HP: variants seen among roughly 807,000 people sequenced by gnomAD.
HP encodes haptoglobin alpha(1S)-beta.
In HP, 9 loss-of-function variants were observed where a neutral mutation model predicts 23.2. The observed-to-expected ratio is 0.39, with a 90% CI of 0.23 to 0.68. HP has a LOEUF of 0.68. Among genes scored for constraint, HP ranks in the 30% least tolerant of loss-of-function variants. The pLI is 0.47. For synonymous variants in HP, 155 were observed against 183.3 expected (o/e 0.85, Z 1.25); for missense variants, 433 against 483.6 (o/e 0.90, Z 0.98).
intron 4 of HP, chr16:72,057,842 C>A (rs1396023487): frequency 5.8e-6 from 2 of 343,386 alleles, no homozygotes; most frequent in Non-Finnish European, 1.1e-5. Flanking sequence ...GGAGGCTGGA[C>A]ATGGGCTGGA....
chr16:72,054,508 G>A lies in HP; in HGVS notation c.-145G>A. On this transcript the variant is annotated 5_prime_UTR_variant, in exon 1 of 7. Transcript: ENST00000355906. ...GGGTATTGTTTGTGGTTTTGTTACT[G>A]GAAAAGATAGTGACCTTACCAGGGC... 2 of 1,532,510 alleles carry A rather than the reference G, an allele frequency of 1.3e-6. No homozygotes were observed. The highest frequency in any genetic ancestry group is 1.8e-6 in the Non-Finnish European group (2 of 1,127,880). 94.9% of individuals were successfully genotyped at this position (1,532,510 alleles called of 1,614,324 possible).
Position 72,056,231 on chromosome 16 carries a change from A to G in HP, c.76A>G (p.Thr26Ala). ...TGCAGTGGACTCAGGCAATGATGTC[A>G]CGGATATCGCAGGTCAGTCTTTGGT... ...LFAVDSGNDV[T>A]DIADDGCPKP... The change falls in exon 2 of 7, where the codon ACG (threonine) becomes GCG (alanine). Residue 26 changes from threonine to alanine, a missense_variant. Around this residue, in one of 3 missense-constraint regions of HP, gnomAD observed 71 missense variants for 54.2 expected, o/e 1.31. Coordinates refer to ENST00000355906, the MANE Select transcript of HP (RefSeq NM_005143.5). 1 of 1,613,916 alleles carries G rather than the reference A, an allele frequency of 6.2e-7. No individual in the cohort carries two copies. Among genetic ancestry groups the G allele is most frequent in the East Asian group, 2.2e-5 (1 of 44,810 alleles).
chr16:72,056,435 T>C (rs1036929415), intron 2 of HP, 95 bp from the exon 3 acceptor site: 129 of 1,560,502 alleles, frequency 8.3e-5, no homozygotes, highest in Admixed American at 2.9e-4. Flanking sequence ...TGGAAGGAGA[T>C]TGATGTGCAG....
At chr16:72,055,512 G>A (rs917815021) in intron 1 of HP, 3 of 160,444 alleles carry the variant, frequency 1.9e-5, no homozygotes, top group East Asian at 1.8e-4. Flanking sequence ...ACTGGCAGAC[G>A]GCACCTGTGG....
chr16:72,054,917 T>C, intron 1 of HP: 1 of 665,806 alleles, frequency 1.5e-6, no homozygotes, highest in Non-Finnish European at 2.5e-6. Context: ...ATAGGGTATG[T>C]CATCAGCTCC....
In HP at chr16:72,060,608, T is replaced by C. The variant is rs751172493; in HGVS notation, c.939T>C (p.Tyr313=). The C allele has an allele frequency of 5.0e-6, 8 of 1,614,052 alleles. No homozygotes were observed. Among genetic ancestry groups the C allele is most frequent in the African/African-American group, 1.3e-5 (1 of 74,928 alleles). ...VADQDQCIRH[Y]EGSTVPEKKT... ...ACCAAGACCAATGCATAAGGCATTA[T>C]GAAGGCAGCACAGTCCCCGAAAAGA... The change falls in exon 7 of 7, where the codon TAT becomes TAC. Residue 313 remains tyrosine, a synonymous_variant. Coordinates refer to ENST00000355906, the MANE Select transcript of HP (RefSeq NM_005143.5).
In HP at chr16:72,060,392, C is replaced by T; in HGVS notation, c.723C>T (p.Asn241=). The T allele has an allele frequency of 6.2e-7, 1 of 1,614,164 alleles. No homozygotes were observed. Among genetic ancestry groups the T allele is most frequent in the East Asian group, 2.2e-5 (1 of 44,844 alleles). The change falls in exon 7 of 7, where the codon AAC becomes AAT. Residue 241 remains asparagine (N), a synonymous_variant. Transcript: ENST00000355906. ...TTGAGAAGGTTGTTCTACACCCTAA[C>T]TACTCCCAGGTAGATATTGGGCTCA... The part of the protein sequence containing the change: ...VEIEKVVLHP[N]YSQVDIGLIK...
rs1364142852 is a variant in HP, at chr16:72,060,414, C to T, written c.745C>T (p.Leu249Phe). ...TAACTACTCCCAGGTAGATATTGGGCTCATCAAACTCAAACAGAAGGTGTC... is the reference window on the plus strand; with the variant it reads ...TAACTACTCCCAGGTAGATATTGGGTTCATCAAACTCAAACAGAAGGTGTC... ...HPNYSQVDIG[L>F]IKLKQKVSVN... Residue 249 changes from leucine to phenylalanine, a missense_variant, in exon 7 of 7, where the codon CTC (leucine) becomes TTC (phenylalanine). This residue lies in a region of HP where 326 missense variants were observed against 358.1 expected (regional missense o/e 0.91). Transcript: ENST00000355906. 1.2e-6 allele frequency: 2 copies of T among 1,614,068 alleles called. No individual in the cohort carries two copies. The highest frequency in any genetic ancestry group is 4.5e-5 in the East Asian group (2 of 44,858).
Position 72,056,233 on chromosome 16 carries a change from G to C in HP, c.78G>C (p.Thr26=). Residue 26 remains threonine, a synonymous_variant, in exon 2 of 7, where the codon ACG becomes ACC. Coordinates refer to ENST00000355906, the MANE Select transcript of HP (RefSeq NM_005143.5). ...LFAVDSGNDV[T]DIADDGCPKP... is the part of the protein sequence containing the mutation. ...CAGTGGACTCAGGCAATGATGTCACGGATATCGCAGGTCAGTCTTTGGTTG... is the reference window on the plus strand; with the variant it reads ...CAGTGGACTCAGGCAATGATGTCACCGATATCGCAGGTCAGTCTTTGGTTG... 6.2e-7 allele frequency: 1 copy of C among 1,613,816 alleles called. No individual in the cohort carries two copies. Among genetic ancestry groups the C allele is most frequent in the Non-Finnish European group, 8.5e-7 (1 of 1,179,840 alleles).
intron 5 of HP, 126 bp from the exon 6 acceptor site, chr16:72,058,988 C>A: frequency 9.5e-7 from 1 of 1,056,356 alleles, no homozygotes; most frequent in Non-Finnish European, 1.4e-6. Flanking sequence ...TATACTCTCT[C>A]CTTTTCCCCT....
rs553921416 is a variant in HP, at chr16:72,060,641, G to A, written c.972G>A (p.Pro324=). Residue 324 remains proline, a synonymous_variant, in exon 7 of 7, where the codon CCG becomes CCA. Coordinates refer to ENST00000355906, the MANE Select transcript of HP (RefSeq NM_005143.5). ...EGSTVPEKKT[P]KSPVGVQPIL... Reference sequence around the variant, plus strand: ...GCACAGTCCCCGAAAAGAAGACACCGAAGAGCCCTGTAGGGGTGCAGCCCA... The same window carrying A: ...GCACAGTCCCCGAAAAGAAGACACCAAAGAGCCCTGTAGGGGTGCAGCCCA... 26 of 1,614,172 alleles carry A rather than the reference G, an allele frequency of 1.6e-5. 2 individuals are homozygous for A. The highest frequency in any genetic ancestry group is 1.3e-4 in the East Asian group (6 of 44,846).
chr16:72,060,946 C>A lies in HP; in HGVS notation c.*56C>A. On this transcript the variant is annotated 3_prime_UTR_variant, in exon 7 of 7. Coordinates refer to ENST00000355906, the MANE Select transcript of HP (RefSeq NM_005143.5). ...AGCAAGATTTCAGCCTGGAAGAGGG[C>A]AAAGTGGACGGGAGTGGACAGGAGT... is the stretch of plus-strand genomic sequence containing the variant. The A allele has an allele frequency of 1.3e-6, 2 of 1,531,276 alleles. No homozygotes were observed. Among genetic ancestry groups the A allele is most frequent in the Non-Finnish European group, 1.8e-6 (2 of 1,139,760 alleles). 94.9% of individuals were successfully genotyped at this position (1,531,276 alleles called of 1,614,324 possible).
chr16:72,056,789 G>A, intron 3 of HP, 158 bp downstream of exon 3: 3 of 394,468 alleles, frequency 7.6e-6, no homozygotes, highest in South Asian at 6.8e-5. Context: ...AGTAGCCATG[G>A]CCCTTTGGGC....
chr16:72,054,738 A>T, intron 1 of HP, 81 bp downstream of exon 1: 1 of 1,607,626 alleles, frequency 6.2e-7, no homozygotes, highest in Non-Finnish European at 8.5e-7. Flanking sequence ...GAGATGCAGA[A>T]ATAGAACAAA....
Position 72,059,901 on chromosome 16 carries a change from G to A in HP, c.443-211G>A. 5.0e-6 allele frequency: 6 copies of A among 1,207,594 alleles called. No homozygotes were observed. The South Asian group carries it at 5.0e-5, about 10-fold the overall frequency. 74.8% of individuals were successfully genotyped at this position (1,207,594 alleles called of 1,614,324 possible). ...CCCACTTCCTTTGTTAGAAAAGTGGGAAATAGAGCTTTTTGTAATGTAAAC... is the reference window on the plus strand; with the variant it reads ...CCCACTTCCTTTGTTAGAAAAGTGGAAAATAGAGCTTTTTGTAATGTAAAC... On this transcript the variant is annotated intron_variant, in intron 6 of 6. Transcript: ENST00000355906.
intron 1 of HP, chr16:72,055,069 G>C (rs2041438242): frequency 7.4e-6 from 2 of 270,656 alleles, no homozygotes; most frequent in Admixed American, 4.8e-5. Context: ...CTAATACCTG[G>C]GATACATCTA....
At chr16:72,059,505 G>A (rs930170031) in intron 6 of HP, 8 of 395,492 alleles carry the variant, frequency 2.0e-5, no homozygotes, top group Admixed American at 4.0e-5. Context: ...GGGAGAACAA[G>A]TCAAGGAATG....
intron 3 of HP, 137 bp from the exon 4 acceptor site, chr16:72,057,255 A>G: frequency 9.8e-7 from 1 of 1,022,366 alleles, no homozygotes; most frequent in South Asian, 1.3e-5. Context: ...TCCTTCTCAT[A>G]TTCTCTCTCC....
intron 5 of HP, 35 bp from the exon 6 acceptor site, chr16:72,059,079 T>C: frequency 6.4e-7 from 1 of 1,550,682 alleles, no homozygotes; most frequent in South Asian, 1.1e-5. Flanking sequence ...TAGACTTGAC[T>C]TCTCCTTTGG....
Sources: allele counts gnomAD v4.1 joint callset, GRCh38; gene constraint gnomAD v4.1.1; regional missense constraint gnomAD v4.1.1; transcripts MANE v1.5; gene names NCBI Gene and HGNC (gene_info 2026-07-23, HGNC 2026-07-21).